The following MAP4K3 variants were observed in gnomAD, a reference collection of about 807,000 sequenced individuals.
MAP4K3 encodes the protein mitogen-activated protein kinase kinase kinase kinase 3, also known as MAPK/ERK kinase kinase kinase 3.
A neutral mutation model predicts 143.5 loss-of-function variants in MAP4K3; 94 were observed. That is an observed-to-expected ratio of 0.65 (90% CI 0.55 to 0.78). MAP4K3 has a LOEUF of 0.78. MAP4K3 is among the 30% of genes least tolerant of loss of function. MAP4K3 has a pLI of 0.00. For missense variants in MAP4K3, 1,077 were observed against 1,068.1 expected (o/e 1.01, Z -0.12); for synonymous variants, 416 against 347.2 (o/e 1.20, Z -2.20).
chr2:39,325,535 C>T lies in MAP4K3; in HGVS notation c.901G>A (p.Asp301Asn), dbSNP rs761559212. The T allele has an allele frequency of 8.7e-6, 14 of 1,611,484 alleles. No homozygotes were observed. Among genetic ancestry groups the T allele is most frequent in the South Asian group, 2.2e-5 (2 of 90,924 alleles). The part of the protein sequence containing the change: ...NPDHSTYHDF[D>N]DDDPEPLVAV... ...ATTCCTACCTCAGGATCATCATCAT[C>T]GAAATCATGGTAAGTGGAATGATCT... is the stretch of plus-strand genomic sequence containing the variant. Residue 301 changes from aspartate to asparagine, a missense_variant, in exon 12 of 34, where the codon GAT becomes AAT. By Grantham distance (23) the Asp-to-Asn change is conservative (BLOSUM62 1). Transcript: ENST00000263881.
At chr2:39,329,707 A>G (rs1003222942) in intron 8 of MAP4K3, among the ~76,000 whole-genome samples, 4 of 152,236 alleles carry the variant, frequency 2.6e-5, no homozygotes, top group South Asian at 2.1e-4. Context: ...AAGAGACACC[A>G]GGAACCAAGG....
chr2:39,326,721 G>C (rs1286493903), intron 8 of MAP4K3, among the ~76,000 whole-genome samples: 1 of 152,170 alleles, frequency 6.6e-6, no homozygotes, highest in Middle Eastern at 3.2e-3. Flanking sequence ...CCCATGTGTT[G>C]AGGGAGGGGC....
At position 39,272,494 on chromosome 2, in the gene MAP4K3, G is replaced by A; in HGVS notation, c.1843C>T (p.Leu615=). 1 of 1,612,950 alleles carries A rather than the reference G, an allele frequency of 6.2e-7. No homozygotes were observed. Residue 615 remains leucine, a synonymous_variant, in exon 25 of 34, where the codon CTA becomes TTA. Transcript: ENST00000263881. ...CTAATATACTTACCAGATATTGATA[G>A]CAAGCAATTGTTCATTACATACAAC... ...TWLYVMNNCL[L]SISGKASQLY... is the part of the protein sequence containing the mutation.
chr2:39,316,152 T>G (rs774681228), intron 12 of MAP4K3, among the ~76,000 whole-genome samples: 24 of 152,146 alleles, frequency 1.6e-4, no homozygotes, highest in Non-Finnish European at 2.9e-4. Flanking sequence ...CAATATTTAA[T>G]TATTTGCCTT....
chr2:39,435,204 C>G (rs1187264171), intron 1 of MAP4K3, among the ~76,000 whole-genome samples: 1 of 102,442 alleles, frequency 9.8e-6, no homozygotes, highest in African/African-American at 2.6e-5. Context: ...CCTAGACTAT[C>G]ACAGTGGCCT....
At chr2:39,368,878 A>C (rs1185733485) in intron 2 of MAP4K3, among the ~76,000 whole-genome samples, 1 of 152,130 alleles carries the variant, frequency 6.6e-6, no homozygotes, top group Non-Finnish European at 1.5e-5. Flanking sequence ...TTCTAAAATC[A>C]AAACAACAAA....
chr2:39,425,790 A>C (rs1350183803), intron 1 of MAP4K3, among the ~76,000 whole-genome samples: 1 of 152,242 alleles, frequency 6.6e-6, no homozygotes, highest in Non-Finnish European at 1.5e-5. Flanking sequence ...ATGAATCAAA[A>C]CCCAATGAAT....
At chr2:39,372,234 TG>T (rs1199027003) in intron 2 of MAP4K3, among the ~76,000 whole-genome samples, 1 of 146,034 alleles carries the variant, frequency 6.8e-6, no homozygotes, top group Non-Finnish European at 1.5e-5. Context: ...ACCAAAAAAA[TG>T]AAAGATCTCT....
chr2:39,352,151 T>A (rs1354320918), intron 3 of MAP4K3, among the ~76,000 whole-genome samples: 1 of 151,918 alleles, frequency 6.6e-6, no homozygotes, highest in Non-Finnish European at 1.5e-5. Context: ...ATTAGCTGGG[T>A]GTGGTAGCGT....
chr2:39,431,360 G>A (rs955233428), intron 1 of MAP4K3, among the ~76,000 whole-genome samples: 1 of 152,128 alleles, frequency 6.6e-6, no homozygotes, highest in Non-Finnish European at 1.5e-5. Context: ...GGGACCTAAG[G>A]TTACAGTATT....
chr2:39,306,851 G>A (rs1197866449), intron 15 of MAP4K3, among the ~76,000 whole-genome samples: 3 of 152,158 alleles, frequency 2.0e-5, no homozygotes, highest in Non-Finnish European at 2.9e-5. Flanking sequence ...GGGCCCCAGA[G>A]CTCTTCTCCT....
At chr2:39,429,347 T>C (rs1381219389) in intron 1 of MAP4K3, among the ~76,000 whole-genome samples, 1 of 152,218 alleles carries the variant, frequency 6.6e-6, no homozygotes, top group African/African-American at 2.4e-5. Context: ...GTATATCATA[T>C]TCATAGATCA....
At chr2:39,289,883 G>A (rs919685945) in intron 19 of MAP4K3, among the ~76,000 whole-genome samples, 2 of 152,140 alleles carry the variant, frequency 1.3e-5, no homozygotes, top group African/African-American at 4.8e-5. Context: ...TCAGGAGTTT[G>A]AGCCAAGCCT....
intron 1 of MAP4K3, among the ~76,000 whole-genome samples, chr2:39,395,704 T>G (rs1457454002): frequency 6.6e-6 from 1 of 152,198 alleles, no homozygotes. Flanking sequence ...GCGCTCTACA[T>G]TTCAATTTTC....
At chr2:39,358,227 C>G (rs1665666183) in intron 2 of MAP4K3, among the ~76,000 whole-genome samples, 1 of 152,148 alleles carries the variant, frequency 6.6e-6, no homozygotes, top group Non-Finnish European at 1.5e-5. Flanking sequence ...GTATTGAGCA[C>G]TTTTATTATA....
At chr2:39,415,545 T>C (rs1325154699) in intron 1 of MAP4K3, among the ~76,000 whole-genome samples, 1 of 152,172 alleles carries the variant, frequency 6.6e-6, no homozygotes, top group Non-Finnish European at 1.5e-5. Flanking sequence ...TGAGGATCAA[T>C]CACACTGTGC....
intron 12 of MAP4K3, among the ~76,000 whole-genome samples, chr2:39,323,958 T>C (rs563077898): frequency 1.3e-5 from 2 of 152,342 alleles, no homozygotes; most frequent in South Asian, 4.1e-4. Context: ...TAATTTTTCC[T>C]GATTATTAAG....
chr2:39,387,804 T>A (rs1666549703), intron 1 of MAP4K3, among the ~76,000 whole-genome samples: 1 of 152,228 alleles, frequency 6.6e-6, no homozygotes, highest in Non-Finnish European at 1.5e-5. Flanking sequence ...AGCCTCTCTT[T>A]TCTTAAGTTA....
At chr2:39,391,358 C>CAAAAAAAAAAAAAAAAAA (rs755777714) in intron 1 of MAP4K3, among the ~76,000 whole-genome samples, 5 of 45,430 alleles carry the variant, frequency 1.1e-4, no homozygotes, top group East Asian at 8.0e-4. Context: ...GACTCCATCT[C>CAAAAAAAAAAAAAAAAAA]AAAAAAAAAA....
Sources: allele counts gnomAD v4.1 joint callset (sites outside exome capture counted in the v4.1 genomes callset), GRCh38; gene constraint gnomAD v4.1.1; transcripts MANE v1.5; gene names NCBI Gene and HGNC (gene_info 2026-07-23, HGNC 2026-07-21).